SORCS1: variants seen among roughly 807,000 people sequenced by gnomAD.
The protein encoded by SORCS1 is VPS10 domain-containing receptor SorCS1.
A neutral mutation model predicts 146.1 loss-of-function variants in SORCS1; 60 were observed. That is an observed-to-expected ratio of 0.41 (90% CI 0.33 to 0.51). SORCS1 has a LOEUF of 0.51. Among genes scored for constraint, SORCS1 ranks in the 20% least tolerant of loss-of-function variants. SORCS1 has a pLI of 0.21. For missense variants in SORCS1, 1,352 were observed against 1,487.6 expected (o/e 0.91, Z 1.50); for synonymous variants, 637 against 584.0 (o/e 1.09, Z -1.31).
At chr10:106,831,501 T>A (rs1948541909) in intron 2 of SORCS1, among the ~76,000 whole-genome samples, 1 of 152,192 alleles carries the variant, frequency 6.6e-6, no homozygotes, top group South Asian at 2.1e-4. Context: ...GTTGATTTAA[T>A]TCGAAAAACA....
intron 1 of SORCS1, among the ~76,000 whole-genome samples, chr10:107,005,181 G>C (rs73371946): frequency 0.062 from 9,495 of 152,144 alleles, 997 homozygotes; most frequent in African/African-American, 0.21. Context: ...AAAGCCAAGA[G>C]AGGCTTGGTT....
At chr10:107,080,414 C>A (rs1421244285) in intron 1 of SORCS1, among the ~76,000 whole-genome samples, 1 of 152,156 alleles carries the variant, frequency 6.6e-6, no homozygotes, top group South Asian at 2.1e-4. Context: ...TGAACACTAA[C>A]AATACTTTGA....
At chr10:107,099,429 A>C (rs1964765761) in intron 1 of SORCS1, among the ~76,000 whole-genome samples, 1 of 152,182 alleles carries the variant, frequency 6.6e-6, no homozygotes, top group Admixed American at 6.5e-5. Context: ...AGATTCCCTA[A>C]AGGAGTGGTC....
intron 2 of SORCS1, among the ~76,000 whole-genome samples, chr10:106,879,617 C>T (rs540228273): frequency 6.6e-6 from 1 of 152,276 alleles, no homozygotes; most frequent in South Asian, 2.1e-4. Flanking sequence ...CTGATATAAT[C>T]TCATGTGCTC....
intron 23 of SORCS1, among the ~76,000 whole-genome samples, chr10:106,606,306 C>T (rs946823742): frequency 6.7e-6 from 1 of 150,348 alleles, no homozygotes; most frequent in Non-Finnish European, 1.5e-5. Flanking sequence ...CACACACACA[C>T]ACACACACAC....
chr10:106,597,122 G>C (rs1845951844), intron 24 of SORCS1, among the ~76,000 whole-genome samples: 1 of 152,160 alleles, frequency 6.6e-6, no homozygotes, highest in Admixed American at 6.5e-5. Flanking sequence ...AAAGTGGTGG[G>C]ATCACAGGCA....
chr10:107,081,159 A>G (rs77391633), intron 1 of SORCS1, among the ~76,000 whole-genome samples: 3,010 of 152,282 alleles, frequency 0.02, 48 homozygotes, highest in South Asian at 0.038. Flanking sequence ...CTATCTCTTT[A>G]ATCTTTCCCT....
intron 1 of SORCS1, among the ~76,000 whole-genome samples, chr10:106,968,191 C>CAG (rs1325622040): frequency 6.6e-6 from 1 of 151,574 alleles, no homozygotes; most frequent in South Asian, 2.1e-4. Context: ...GCCTGGGCGA[C>CAG]AGCGAGACTT....
chr10:106,715,183 C>T (rs917095016), intron 6 of SORCS1, among the ~76,000 whole-genome samples: 8 of 152,350 alleles, frequency 5.3e-5, no homozygotes, highest in Middle Eastern at 3.4e-3. Flanking sequence ...ATATTCAATT[C>T]TGGTGAGTGT....
chr10:106,613,821 C>T (rs756106750), intron 21 of SORCS1, among the ~76,000 whole-genome samples: 1 of 152,078 alleles, frequency 6.6e-6, no homozygotes, highest in East Asian at 1.9e-4. Flanking sequence ...TTCCTGCCCT[C>T]TCTGTGCTCC....
chr10:106,688,373 A>T, intron 9 of SORCS1, 35 bp from the exon 10 acceptor site: 2 of 1,605,584 alleles, frequency 1.2e-6, no homozygotes, highest in South Asian at 1.1e-5. Flanking sequence ...AAATACATCA[A>T]TTTGAGAAGG....
chr10:106,999,384 T>C (rs1193585024), intron 1 of SORCS1, among the ~76,000 whole-genome samples: 1 of 152,200 alleles, frequency 6.6e-6, no homozygotes, highest in Non-Finnish European at 1.5e-5. Flanking sequence ...TCTGACAGTT[T>C]TGCATCTGCT....
At chr10:106,964,803 AG>A (rs1385446106) in intron 1 of SORCS1, among the ~76,000 whole-genome samples, 4 of 151,590 alleles carry the variant, frequency 2.6e-5, no homozygotes. Flanking sequence ...TTTTAGATAT[AG>A]GGTCTTGCTA....
intron 3 of SORCS1, among the ~76,000 whole-genome samples, chr10:106,791,570 AC>A (rs1407466438): frequency 1.3e-5 from 2 of 152,110 alleles, no homozygotes; most frequent in African/African-American, 4.8e-5. Context: ...GTGGTGGTGC[AC>A]AGCTGTAGTC....
At chr10:106,632,467 A>G (rs1459253217) in intron 18 of SORCS1, among the ~76,000 whole-genome samples, 1 of 152,180 alleles carries the variant, frequency 6.6e-6, no homozygotes, top group Non-Finnish European at 1.5e-5. Context: ...GATGTCAGCC[A>G]CTTTCAGAGA....
intron 1 of SORCS1, among the ~76,000 whole-genome samples, chr10:107,112,762 G>T (rs1965778088): frequency 6.6e-6 from 1 of 152,152 alleles, no homozygotes; most frequent in African/African-American, 2.4e-5. Flanking sequence ...TAGATTTTCA[G>T]TCAAAATCTG....
At chr10:106,753,481 A>G (rs543515544) in intron 5 of SORCS1, among the ~76,000 whole-genome samples, 5 of 152,310 alleles carry the variant, frequency 3.3e-5, no homozygotes, top group South Asian at 2.1e-4. Flanking sequence ...CTCGGCAGCA[A>G]TATTCAACAA....
At chr10:106,854,538 A>C (rs1431886227) in intron 2 of SORCS1, among the ~76,000 whole-genome samples, 1 of 146,950 alleles carries the variant, frequency 6.8e-6, no homozygotes, top group Non-Finnish European at 1.5e-5. Context: ...ATTATCTTTC[A>C]CATGTTTTCT....
chr10:107,178,562 G>T, the SORCS1 span, among the ~76,000 whole-genome samples: 7 of 151,754 alleles, frequency 4.6e-5, no homozygotes, highest in East Asian at 1.4e-3. Flanking sequence ...CCAGTGGTAC[G>T]ATTTAGGCTC....
Sources: gnomAD v4.1 joint callset for allele counts (sites outside exome capture counted in the v4.1 genomes callset) on GRCh38, gnomAD v4.1.1 for gene constraint, MANE v1.5 for transcripts, NCBI Gene and HGNC (gene_info 2026-07-23, HGNC 2026-07-21) for gene names.